HBS1L: variants seen among roughly 807,000 people sequenced by gnomAD.
HBS1L encodes HBS1 like translational GTPase, also known as HBS1-like protein.
Under a neutral mutation model 88.9 loss-of-function variants are expected in HBS1L, and 55 were observed. That is an observed-to-expected ratio of 0.62 (90% CI 0.50 to 0.77). HBS1L has a LOEUF of 0.77. Ranked by LOEUF, HBS1L falls within the 30% of genes least tolerant of loss-of-function variation. The pLI, the probability that HBS1L is intolerant of heterozygous loss-of-function variation, is 0.00. For synonymous variants in HBS1L, 267 were observed against 288.5 expected (o/e 0.93, Z 0.76); for missense variants, 741 against 829.3 (o/e 0.89, Z 1.31).
Position 134,965,304 on chromosome 6 carries a change from A to C in HBS1L, c.2044-14T>G, listed in dbSNP as rs371072942. 125 of 1,511,432 alleles carry C rather than the reference A, an allele frequency of 8.3e-5. No homozygotes were observed. The African/African-American group carries it at 8.9e-4, about 11-fold the overall frequency. The allele number at this position is 1,511,432 out of a possible 1,614,324, so 93.6% of individuals were successfully genotyped here. Reference sequence around the variant, plus strand: ...TCATTCTTTTATCTGTTAAAACAAAAAAAAAAAAGACATTTGCTGTAATTT... The same window carrying C: ...TCATTCTTTTATCTGTTAAAACAAACAAAAAAAAGACATTTGCTGTAATTT... On this transcript the variant is annotated splice_polypyrimidine_tract_variant and intron_variant, in intron 17 of 17. Transcript: ENST00000367837.
intron 4 of HBS1L, among the ~76,000 whole-genome samples, chr6:135,024,491 A>C (rs1776169431): frequency 6.7e-6 from 1 of 148,282 alleles, no homozygotes. Context: ...TATGAATTTT[A>C]ATTTCTGAAT....
At position 134,961,516 on chromosome 6, in the gene HBS1L, G is replaced by A. The variant is rs1239819562; in HGVS notation, c.*3763C>T. 6.6e-6 allele frequency: 1 copy of A among 152,148 alleles called. No homozygotes were observed. The highest frequency in any genetic ancestry group is 1.9e-4 in the East Asian group (1 of 5,196). 9.4% of individuals were successfully genotyped at this position (152,148 alleles called of 1,614,324 possible). On this transcript the variant is annotated 3_prime_UTR_variant, in exon 18 of 18. Transcript: ENST00000367837. ...GATACTGTAATCATGCCTGAGCACA[G>A]ATAAAAACAAAGTCACTGTGCAAAC...
In HBS1L at chr6:134,960,566, A is replaced by G. The variant is rs1774163689; in HGVS notation, c.*4713T>C. ...GTGCATTATACTTGTTATTAATATG[A>G]AATTCTCTTAATTTTTTTTTACTTG... On this transcript the variant is annotated 3_prime_UTR_variant, in exon 18 of 18. Coordinates refer to ENST00000367837, the MANE Select transcript of HBS1L (RefSeq NM_006620.4). 6.6e-6 allele frequency: 1 copy of G among 152,094 alleles called. No homozygotes were observed. The highest frequency in any genetic ancestry group is 2.4e-5 in the African/African-American group (1 of 41,428). The allele number at this position is 152,094 out of a possible 1,614,324, so 9.4% of individuals were successfully genotyped here. A position where few individuals can be genotyped will look rare whatever the true frequency, so the allele number is the denominator to read the frequency against.
intron 4 of HBS1L, chr6:135,037,366 T>C: frequency 6.4e-7 from 1 of 1,551,574 alleles, no homozygotes; most frequent in East Asian, 2.4e-5. Flanking sequence ...CTGCAAATTA[T>C]CATTTTTAAA....
At chr6:134,987,178 A>G (rs1232016780) in intron 9 of HBS1L, among the ~76,000 whole-genome samples, 1 of 152,088 alleles carries the variant, frequency 6.6e-6, no homozygotes, top group Non-Finnish European at 1.5e-5. Context: ...TCTTTATCTA[A>G]GGATTATCAA....
rs1033086523 is a variant in HBS1L, at chr6:135,037,769, C to T, written c.430+1804G>A. On this transcript the variant is annotated intron_variant, in intron 4 of 17. Coordinates refer to ENST00000367837, the MANE Select transcript of HBS1L (RefSeq NM_006620.4). Reference sequence around the variant, plus strand: ...CTTTCACAGGAATCTCTTGACATATCATGAATTAGGTTAGCTAGTGAAAGT... The same window carrying T: ...CTTTCACAGGAATCTCTTGACATATTATGAATTAGGTTAGCTAGTGAAAGT... 4.5e-6 allele frequency: 7 copies of T among 1,550,650 alleles called. No individual in the cohort carries two copies. In the Admixed American group the frequency reaches 9.8e-5, roughly 22 times the overall value.
At chr6:135,025,020 C>T (rs1332985792) in intron 4 of HBS1L, among the ~76,000 whole-genome samples, 1 of 152,246 alleles carries the variant, frequency 6.6e-6, no homozygotes, top group Non-Finnish European at 1.5e-5. Flanking sequence ...GAAATTATCA[C>T]AAGCCTCTCA....
At chr6:135,010,721 T>C (rs772328113) in intron 4 of HBS1L, among the ~76,000 whole-genome samples, 8 of 152,108 alleles carry the variant, frequency 5.3e-5, no homozygotes, top group Non-Finnish European at 1.2e-4. Context: ...AATGGGACTA[T>C]TTTGGGGGGG....
chr6:134,978,945 T>C (rs970110922), intron 14 of HBS1L, among the ~76,000 whole-genome samples, 158 bp from the exon 15 acceptor site: 2 of 152,078 alleles, frequency 1.3e-5, no homozygotes, highest in African/African-American at 4.8e-5. Context: ...CTTTAAACCA[T>C]TATTAACCTT....
In HBS1L at chr6:134,978,729, C is replaced by A. The variant is rs1583065442; in HGVS notation, c.1747G>T (p.Ala583Ser). The A allele has an allele frequency of 6.2e-7, 1 of 1,609,550 alleles. No homozygotes were observed. The highest frequency in any genetic ancestry group is 1.7e-5 in the Admixed American group (1 of 59,420). ...VPIKACTRFR[A>S]RILIFNIEIP... ...TCAATATTAAAGATGAGGATTCGGG[C>A]TCTGAAACGAGTGCAAGCTTTAATG... Residue 583 changes from alanine (A) to serine (S), a missense_variant, in exon 15 of 18, where the codon GCC becomes TCC. Physicochemically the swap from Ala to Ser is moderately conservative, Grantham distance 99. Transcript: ENST00000367837.
intron 2 of HBS1L, among the ~76,000 whole-genome samples, chr6:135,043,577 A>G (rs575921965): frequency 6.6e-6 from 1 of 152,340 alleles, no homozygotes; most frequent in African/African-American, 2.4e-5. Context: ...CTTACAGATT[A>G]GAAGGGAGGG....
intron 4 of HBS1L, among the ~76,000 whole-genome samples, chr6:135,017,744 T>C (rs1314565966): frequency 1.3e-5 from 2 of 151,972 alleles, no homozygotes; most frequent in Non-Finnish European, 2.9e-5. Flanking sequence ...TTATGTTATC[T>C]CAAGGTAAGA....
rs1373049646 is a variant in HBS1L, at chr6:134,993,781, T to A, written c.1060A>T (p.Asn354Tyr). The A allele has an allele frequency of 5.7e-6, 9 of 1,590,878 alleles. 1 individual carries two copies. The East Asian group carries it at 2.0e-4, about 36-fold the overall frequency. Residue 354 changes from asparagine (N) to tyrosine (Y), a missense_variant, in exon 8 of 18, where the codon AAT becomes TAT. Asn to Tyr is a moderately radical substitution (Grantham distance 143). Transcript: ENST00000367837. The stretch of plus-strand genomic sequence containing the variant: ...ACCTGGGCTGCTCCTGTAATCATAT[T>A]TGGAATGAAGTCCTTATGGCCTGGA... ...DAPGHKDFIP[N>Y]MITGAAQADV... is the part of the protein sequence containing the mutation.
chr6:134,966,797 C>T (rs1583052131), intron 16 of HBS1L, among the ~76,000 whole-genome samples: 1 of 151,386 alleles, frequency 6.6e-6, no homozygotes. Flanking sequence ...TCTTTCATTC[C>T]CTCAAGAAAG....
chr6:135,006,060 T>C (rs950595686), intron 4 of HBS1L, among the ~76,000 whole-genome samples: 4 of 152,212 alleles, frequency 2.6e-5, no homozygotes, highest in Non-Finnish European at 4.4e-5. Context: ...TTTGTGTGAC[T>C]TTTTCTAGCA....
At chr6:134,972,129 T>C (rs889322963) in intron 15 of HBS1L, among the ~76,000 whole-genome samples, 1 of 152,214 alleles carries the variant, frequency 6.6e-6, no homozygotes, top group Non-Finnish European at 1.5e-5. Context: ...TCTAAAACCA[T>C]TGCTCTAAAG....
chr6:135,049,756 G>C (rs564744358), intron 2 of HBS1L, among the ~76,000 whole-genome samples: 2 of 152,180 alleles, frequency 1.3e-5, no homozygotes, highest in African/African-American at 2.4e-5. Flanking sequence ...ATTTTTAGTA[G>C]AGACGGGGTT....
At chr6:135,026,009 G>C (rs1776217071) in intron 4 of HBS1L, among the ~76,000 whole-genome samples, 2 of 152,124 alleles carry the variant, frequency 1.3e-5, no homozygotes, top group Non-Finnish European at 2.9e-5. Context: ...TGCAACAATA[G>C]AAAACAGTAG....
chr6:134,979,569 G>A, intron 13 of HBS1L: 1 of 247,598 alleles, frequency 4.0e-6, no homozygotes, highest in East Asian at 8.4e-5. Context: ...CATTAAACAG[G>A]CCCCATTCAA....
Sources: gnomAD v4.1 joint callset for allele counts (sites outside exome capture counted in the v4.1 genomes callset) on GRCh38, gnomAD v4.1.1 for gene constraint, MANE v1.5 for transcripts, NCBI Gene and HGNC (gene_info 2026-07-23, HGNC 2026-07-21) for gene names.